Variants in PCDHA1 observed in about 807,000 individuals in gnomAD.
PCDHA1 encodes the protein protocadherin alpha 1.
In PCDHA1, 42 loss-of-function variants were observed where a neutral mutation model predicts 61.3. The ratio of observed to expected loss-of-function variants is 0.69; its 90% CI spans 0.54 to 0.89. The LOEUF (loss-of-function observed/expected upper bound fraction) is 0.89. Among genes scored for constraint, PCDHA1 ranks in the 40% least tolerant of loss-of-function variants. The pLI is 0.00. For synonymous variants in PCDHA1, 610 were observed against 553.8 expected, an observed-to-expected ratio of 1.10 and a Z score of -1.43; for missense variants, 1,256 against 1,235.3, an observed-to-expected ratio of 1.02 and a Z score of -0.25.
At chr5:140,987,211 C>T (rs1190567678) in intron 3 of PCDHA1, among the ~76,000 whole-genome samples, 2 of 145,072 alleles carry the variant, frequency 1.4e-5, no homozygotes, top group Non-Finnish European at 3.0e-5. Flanking sequence ...GAGACTCCAT[C>T]TCAAAAAAAA....
At position 140,877,641 on chromosome 5, in the gene PCDHA1, C is replaced by G. The variant is rs548787462; in HGVS notation, c.2394+88957C>G. ...TGCTGCTGTACACTGCGCTGCGTTG[C>G]TCAGCGCCGCCCACCGTGAGCCGGT... On this transcript the variant is annotated intron_variant, in intron 1 of 3. Transcript: ENST00000504120. 6.2e-6 allele frequency: 10 copies of G among 1,613,592 alleles called. 1 individual carries two copies. In the South Asian group the frequency reaches 9.9e-5, roughly 16 times the overall value.
intron 1 of PCDHA1, chr5:140,841,773 G>T (rs1292935559): frequency 6.2e-7 from 1 of 1,613,894 alleles, no homozygotes; most frequent in Admixed American, 1.7e-5. Flanking sequence ...CCAGACTCTC[G>T]GTTTCCGCTA....
intron 1 of PCDHA1, chr5:140,852,686 T>G: frequency 1.0e-6 from 1 of 969,714 alleles, no homozygotes; most frequent in Non-Finnish European, 1.2e-6. Context: ...TTGAATATAG[T>G]CTTATACTTT....
At chr5:140,986,951 T>C (rs1421822972) in intron 3 of PCDHA1, among the ~76,000 whole-genome samples, 1 of 152,128 alleles carries the variant, frequency 6.6e-6, no homozygotes, top group Non-Finnish European at 1.5e-5. Context: ...TGGTCGCTCA[T>C]GCCTGTAATT....
At chr5:140,850,821 C>T in intron 1 of PCDHA1, 1 of 1,598,302 alleles carries the variant, frequency 6.3e-7, no homozygotes, top group Non-Finnish European at 8.6e-7. Flanking sequence ...CAGCCCGGGC[C>T]TTTCTCCTTG....
At chr5:140,801,604 C>T (rs371019133) in intron 1 of PCDHA1, 2 of 1,614,158 alleles carry the variant, frequency 1.2e-6, no homozygotes, top group Non-Finnish European at 1.7e-6. Context: ...TTTCCAATGG[C>T]TGTAAAGAAT....
chr5:140,901,681 T>C (rs144868677), intron 1 of PCDHA1, among the ~76,000 whole-genome samples: 8 of 152,316 alleles, frequency 5.3e-5, no homozygotes, highest in African/African-American at 1.7e-4. Context: ...TTAGGTATTA[T>C]GGGTATTTTG....
At chr5:140,922,371 T>G (rs1194947703) in intron 1 of PCDHA1, among the ~76,000 whole-genome samples, 1 of 152,204 alleles carries the variant, frequency 6.6e-6, no homozygotes, top group Non-Finnish European at 1.5e-5. Context: ...CTCACTGAGA[T>G]GCAAAACCAA....
rs143656335 is a variant in PCDHA1, at chr5:140,968,986, A to G, written c.2395-9963A>G. 244 of 1,614,206 alleles carry G rather than the reference A, an allele frequency of 1.5e-4. No individual in the cohort carries two copies. In the African/African-American group the frequency reaches 3.0e-3, roughly 20 times the overall value. On this transcript the variant is annotated intron_variant, in intron 1 of 3. Transcript: ENST00000504120. ...ACCGCTACACTGCGTATGGCACTGC[A>G]TGCTGTGGAGGCTTCTGTGGAGTAA...
intron 1 of PCDHA1, among the ~76,000 whole-genome samples, chr5:140,832,503 T>C (rs2150202042): frequency 6.6e-6 from 1 of 152,324 alleles, no homozygotes; most frequent in East Asian, 1.9e-4. Flanking sequence ...AGTGGCAGAA[T>C]TGTCTCTGAT....
intron 1 of PCDHA1, chr5:140,812,885 G>T (rs1765193374): frequency 2.6e-5 from 4 of 152,092 alleles, no homozygotes; most frequent in Admixed American, 2.6e-4. Flanking sequence ...TCATTCAAAT[G>T]AAATTTTGAA....
intron 1 of PCDHA1, chr5:140,850,209 G>A (rs2150473302): frequency 1.9e-6 from 3 of 1,593,574 alleles, no homozygotes; most frequent in African/African-American, 2.7e-5. Context: ...TCGGATGAGG[G>A]GCACTGACGG....
intron 1 of PCDHA1, chr5:140,855,912 G>C: frequency 1.7e-6 from 2 of 1,172,642 alleles, no homozygotes; most frequent in Non-Finnish European, 2.4e-6. Flanking sequence ...GTTTCTCAAG[G>C]ACTAGGAAGT....
intron 1 of PCDHA1, chr5:140,827,862 T>A: frequency 1.7e-6 from 1 of 602,860 alleles, no homozygotes; most frequent in Non-Finnish European, 2.9e-6. Context: ...AAATATATGG[T>A]ATAGCACTGT....
intron 1 of PCDHA1, chr5:140,843,096 C>A (rs2150352451): frequency 1.9e-6 from 3 of 1,595,484 alleles, no homozygotes; most frequent in Non-Finnish European, 2.6e-6. Context: ...CACGTGGTAG[C>A]GAAGGTGCGC....
At chr5:140,790,183 A>G (rs1281967161) in intron 1 of PCDHA1, among the ~76,000 whole-genome samples, 1 of 152,212 alleles carries the variant, frequency 6.6e-6, no homozygotes, top group Non-Finnish European at 1.5e-5. Flanking sequence ...TGATTGTGTA[A>G]AGGTTGAGAA....
intron 3 of PCDHA1, among the ~76,000 whole-genome samples, chr5:140,992,981 A>T (rs532135754): frequency 5.3e-5 from 8 of 152,232 alleles, no homozygotes; most frequent in Admixed American, 1.3e-4. Flanking sequence ...TGATTAGGCC[A>T]TGGGACCCAT....
At chr5:140,827,803 C>G (rs1054695243) in intron 1 of PCDHA1, among the ~76,000 whole-genome samples, 2 of 152,100 alleles carry the variant, frequency 1.3e-5, no homozygotes, top group Admixed American at 6.5e-5. Context: ...AAATTACAAA[C>G]GTGAGGAGGG....
rs782655473 is a variant in PCDHA1, at chr5:140,788,066, G to A, written c.1776G>A (p.Ala592=). ...TGGTGGGTGCGGGTCATGTGGTGGC[G>A]AAGGTGCGCGCAGTGGACGCCGACT... ...PRLVGAGHVV[A]KVRAVDADSG... is the part of the protein sequence containing the mutation. The change falls in exon 1 of 4, where the codon GCG becomes GCA. Residue 592 remains alanine, a synonymous_variant. Transcript: ENST00000504120. The A allele has an allele frequency of 6.2e-7, 1 of 1,613,882 alleles. No individual in the cohort carries two copies. Among genetic ancestry groups the A allele is most frequent in the Admixed American group, 1.7e-5 (1 of 59,994 alleles).
Sources: allele counts gnomAD v4.1 joint callset (sites outside exome capture counted in the v4.1 genomes callset), GRCh38; gene constraint gnomAD v4.1.1; transcripts MANE v1.5; gene names NCBI Gene and HGNC (gene_info 2026-07-23, HGNC 2026-07-21).